Variants in WDR25 observed in about 807,000 individuals in gnomAD.
WDR25 encodes WD repeat-containing protein 25.
WDR25 carries 35 observed loss-of-function variants against 47.7 expected under a neutral mutation model. The observed-to-expected ratio is 0.73, with a 90% CI of 0.56 to 0.97. The LOEUF (loss-of-function observed/expected upper bound fraction) is 0.97, where lower values mean the gene tolerates loss of function less well. Ranked by LOEUF, WDR25 falls within the 50% of genes least tolerant of loss-of-function variation. The pLI, the probability that WDR25 is intolerant of heterozygous loss-of-function variation, is 0.00. For synonymous variants in WDR25, 248 were observed against 278.9 expected, an observed-to-expected ratio of 0.89 and a Z score of 1.10; for missense variants, 634 against 704.7, an observed-to-expected ratio of 0.90 and a Z score of 1.14.
At position 100,525,934 on chromosome 14, in the gene WDR25, C is replaced by T; in HGVS notation, c.1166C>T (p.Ser389Phe). 6.2e-7 allele frequency: 1 copy of T among 1,614,024 alleles called. No homozygotes were observed. The highest frequency in any genetic ancestry group is 2.2e-5 in the East Asian group (1 of 44,892). ...GACATCCTGTTCCTCCGGGAAGGCT[C>T]CGAGTTCCTGAGCAGCACAGACGCT... ...TLDILFLREG[S>F]EFLSSTDAST... The change falls in exon 5 of 7, where the codon TCC becomes TTC. Residue 389 changes from serine (S) to phenylalanine (F), a missense_variant. Coordinates refer to ENST00000402312, the MANE Select transcript of WDR25 (RefSeq NM_001161476.3). This position sits in a 1 kb window ranked among gnomAD's most constrained non-coding sequence, Gnocchi z 4.6.
At position 100,424,488 on chromosome 14, in the gene WDR25, A is replaced by G. The variant is rs1438222884; in HGVS notation, c.822+42742A>G. On this transcript the variant is annotated intron_variant, in intron 2 of 6. Coordinates refer to ENST00000402312, the MANE Select transcript of WDR25 (RefSeq NM_001161476.3). This position sits in a 1 kb window ranked among gnomAD's most constrained non-coding sequence, Gnocchi z 4.2. ...CCCAGGGCTTTCTTGTATCAAGAGGAACAAAATGGCATGAGATTGGGACCT... is the reference window on the plus strand; with the variant it reads ...CCCAGGGCTTTCTTGTATCAAGAGGGACAAAATGGCATGAGATTGGGACCT... 6.6e-6 allele frequency among the ~76,000 whole-genome samples: 1 copy of G among 152,212 alleles called. No individual in the cohort carries two copies. Among genetic ancestry groups the G allele is most frequent in the Non-Finnish European group, 1.5e-5 (1 of 68,048 alleles).
At chr14:100,382,766 G>A (rs1896935087) in intron 2 of WDR25, among the ~76,000 whole-genome samples, 1 of 152,184 alleles carries the variant, frequency 6.6e-6, no homozygotes. Context: ...AACTTCAAGG[G>A]ACCTGGCTTC....
At chr14:100,526,194 C>T (rs2140393133) in intron 5 of WDR25, among the ~76,000 whole-genome samples, 154 bp downstream of exon 5, 1 of 152,270 alleles carries the variant, frequency 6.6e-6, no homozygotes, top group East Asian at 1.9e-4. Flanking sequence ...GCCTGCCGCA[C>T]ACATGGAGAG....
chr14:100,496,777 G>A (rs1464249654), intron 4 of WDR25, among the ~76,000 whole-genome samples: 6 of 149,440 alleles, frequency 4.0e-5, no homozygotes, highest in Admixed American at 1.3e-4. Flanking sequence ...CCAAGCATGT[G>A]GAAACATCTG....
In WDR25 at chr14:100,380,983, C is replaced by T. The variant is rs146639777; in HGVS notation, c.59C>T (p.Ser20Leu). Residue 20 changes from serine (S) to leucine (L), a missense_variant, in exon 2 of 7, where the codon TCG becomes TTG. Physicochemically the swap from Ser to Leu is moderately radical, Grantham distance 145. Transcript: ENST00000402312. ...ASLVAYDDSD[S>L]EAETEHAGSF... The stretch of plus-strand genomic sequence containing the variant: ...TTGGTAGCGTATGATGATTCGGACT[C>T]GGAGGCTGAGACAGAGCATGCAGGA... 1,816 of 1,614,168 alleles carry T rather than the reference C, an allele frequency of 1.1e-3. 9 individuals carry two copies. Among genetic ancestry groups the T allele is most frequent in the Non-Finnish European group, 8.5e-4 (1,000 of 1,180,030 alleles).
At chr14:100,455,808 T>A (rs890862523) in intron 2 of WDR25, among the ~76,000 whole-genome samples, 1 of 152,206 alleles carries the variant, frequency 6.6e-6, no homozygotes, top group Non-Finnish European at 1.5e-5. Context: ...GTGAATGAGA[T>A]CAGTTTGTAG....
chr14:100,387,422 T>C (rs1266525507), intron 2 of WDR25, among the ~76,000 whole-genome samples: 2 of 152,244 alleles, frequency 1.3e-5, no homozygotes, highest in African/African-American at 4.8e-5. Flanking sequence ...AAGCCATTCA[T>C]GCACTCCCTT....
chr14:100,481,553 G>T (rs1900204585), intron 3 of WDR25, among the ~76,000 whole-genome samples: 1 of 151,758 alleles, frequency 6.6e-6, no homozygotes, highest in Non-Finnish European at 1.5e-5. Flanking sequence ...TCGGGTGTCA[G>T]CTTAACATTC....
At position 100,523,224 on chromosome 14, in the gene WDR25, G is replaced by A. The variant is rs1025592273; in HGVS notation, c.1102-2646G>A. Among the ~76,000 whole-genome samples, 41 of 152,336 alleles carry A rather than the reference G, an allele frequency of 2.7e-4. No individual in the cohort carries two copies. Among genetic ancestry groups the A allele is most frequent in the Non-Finnish European group, 3.8e-4 (26 of 68,016 alleles). On this transcript the variant is annotated intron_variant, in intron 4 of 6. Transcript: ENST00000402312. This position sits in a 1 kb window ranked among gnomAD's most constrained non-coding sequence, Gnocchi z 4.7. ...ACACACCTTACTGATGCCTGCAGGG[G>A]CAGACCCAGTGCTAGCCAAGGGTGA...
At chr14:100,507,709 A>G (rs1901162693) in intron 4 of WDR25, among the ~76,000 whole-genome samples, 1 of 141,666 alleles carries the variant, frequency 7.1e-6, no homozygotes, top group Non-Finnish European at 1.5e-5. Context: ...TGTATTCTTG[A>G]TTTGTTCTCA....
intron 2 of WDR25, among the ~76,000 whole-genome samples, chr14:100,416,507 C>A (rs1897873683): frequency 6.6e-6 from 1 of 152,194 alleles, no homozygotes; most frequent in South Asian, 2.1e-4. Context: ...GCCTTGAATT[C>A]TTTCCAGCTC....
chr14:100,530,124 C>T lies in WDR25; in HGVS notation c.*83C>T. The T allele has an allele frequency of 7.0e-7, 1 of 1,432,904 alleles. No homozygotes were observed. Among genetic ancestry groups the T allele is most frequent in the South Asian group, 1.3e-5 (1 of 76,184 alleles). 88.8% of individuals were successfully genotyped at this position (1,432,904 alleles called of 1,614,324 possible). On this transcript the variant is annotated 3_prime_UTR_variant, in exon 7 of 7. Transcript: ENST00000402312. ...CAAGGGTAGATGAGAGGAACGAGCA[C>T]AGAGGTTGGCTGTGGGTCCTGGGTA...
chr14:100,519,266 GGA>G (rs139840480), intron 4 of WDR25, among the ~76,000 whole-genome samples: 99 of 147,172 alleles, frequency 6.7e-4, no homozygotes, highest in African/African-American at 8.8e-4. Flanking sequence ...TTTATAGGGG[GGA>G]GAGAGAGAGA....
chr14:100,400,089 G>A (rs1425612702), intron 2 of WDR25, among the ~76,000 whole-genome samples: 3 of 152,232 alleles, frequency 2.0e-5, no homozygotes, highest in Non-Finnish European at 4.4e-5. Flanking sequence ...AATGTTCAGT[G>A]AGGACTGGCC....
At chr14:100,443,883 C>T (rs1240020980) in intron 2 of WDR25, among the ~76,000 whole-genome samples, 9 of 152,190 alleles carry the variant, frequency 5.9e-5, no homozygotes, top group Admixed American at 5.9e-4. Flanking sequence ...TGGCTAGGTG[C>T]TCCTCATGCA....
chr14:100,446,934 C>T lies in WDR25; in HGVS notation c.823-21087C>T, dbSNP rs139600396. Among the ~76,000 whole-genome samples the T allele has an allele frequency of 4.5e-3, 687 of 152,314 alleles. 4 individuals are homozygous for T. Among genetic ancestry groups the T allele is most frequent in the African/African-American group, 0.016 (669 of 41,566 alleles). The stretch of plus-strand genomic sequence containing the variant: ...ATTATCGTCTGTGGCCACAGAAATC[C>T]TTGACTAAGTGCTACGGAGTCATCA... On this transcript the variant is annotated intron_variant, in intron 2 of 6. Transcript: ENST00000402312.
chr14:100,518,373 A>AT (rs547010757), intron 4 of WDR25, among the ~76,000 whole-genome samples: 49 of 141,296 alleles, frequency 3.5e-4, no homozygotes, highest in South Asian at 1.1e-3. Context: ...GTAATTCTTC[A>AT]TTTTTTTTTT....
In WDR25 at chr14:100,418,100, C is replaced by A. The variant is rs143724008; in HGVS notation, c.822+36354C>A. Among the ~76,000 whole-genome samples, 42 of 151,908 alleles carry A rather than the reference C, an allele frequency of 2.8e-4. 1 individual carries two copies. The East Asian group carries it at 7.1e-3, about 26-fold the overall frequency. On this transcript the variant is annotated intron_variant, in intron 2 of 6. Transcript: ENST00000402312. The stretch of plus-strand genomic sequence containing the variant: ...GGGATTACAGGCACCAACCACCACG[C>A]CTGGCTAATTTTTGTACTTTTAGTA...
intron 3 of WDR25, among the ~76,000 whole-genome samples, chr14:100,483,015 G>A (rs530799495): frequency 6.6e-6 from 1 of 152,264 alleles, no homozygotes; most frequent in South Asian, 2.1e-4. Context: ...CTGCCTGTGG[G>A]GGACATATAC....
Sources: gnomAD v4.1 joint callset for allele counts (sites outside exome capture counted in the v4.1 genomes callset) on GRCh38, gnomAD v4.1.1 for gene constraint, Gnocchi (gnomAD v3.1) non-coding constraint, MANE v1.5 for transcripts, NCBI Gene and HGNC (gene_info 2026-07-23, HGNC 2026-07-21) for gene names.